Variants in WWOX observed in about 807,000 individuals in gnomAD.
WWOX encodes the protein WW domain-containing oxidoreductase.
In WWOX, 69 loss-of-function variants were observed where a neutral mutation model predicts 46.2. The observed-to-expected ratio is 1.49, with a 90% CI of 1.23 to 1.82. WWOX has a LOEUF of 1.82. WWOX is among the 40% of genes most tolerant of loss of function. WWOX has a pLI of 0.00. For synonymous variants in WWOX, 359 were observed against 202.6 expected, an observed-to-expected ratio of 1.77 and a Z score of -6.56; for missense variants, 919 against 542.6, an observed-to-expected ratio of 1.69 and a Z score of -6.89.
At chr16:78,900,789 C>G (rs1027032063) in intron 8 of WWOX, among the ~76,000 whole-genome samples, 1 of 151,314 alleles carries the variant, frequency 6.6e-6, no homozygotes, top group Admixed American at 6.6e-5. Context: ...GTAATAACCT[C>G]TCTTTTTTAT....
chr16:78,229,032 G>A (rs746146913), intron 5 of WWOX, among the ~76,000 whole-genome samples: 1 of 152,116 alleles, frequency 6.6e-6, no homozygotes, highest in Non-Finnish European at 1.5e-5. Flanking sequence ...GCTGGTTTGT[G>A]CTAAGATACT....
chr16:78,930,595 C>CTTTTTTTT (rs534091390), intron 8 of WWOX, among the ~76,000 whole-genome samples: 1 of 139,498 alleles, frequency 7.2e-6, no homozygotes, highest in East Asian at 2.1e-4. Flanking sequence ...CAGGCAAGGA[C>CTTTTTTTT]TTTTTTTTTT....
chr16:79,052,177 T>C (rs1254782337), intron 8 of WWOX, among the ~76,000 whole-genome samples: 2 of 152,174 alleles, frequency 1.3e-5, no homozygotes, highest in Admixed American at 6.5e-5. Context: ...CTCCCAATGC[T>C]ATCCCTCCCC....
At chr16:78,436,838 G>C (rs2083345637) in intron 8 of WWOX, among the ~76,000 whole-genome samples, 1 of 152,320 alleles carries the variant, frequency 6.6e-6, no homozygotes, top group East Asian at 1.9e-4. Flanking sequence ...GCTCGGCATT[G>C]CTTCCGTCAG....
chr16:78,811,439 T>A (rs2051185485), intron 8 of WWOX, among the ~76,000 whole-genome samples: 1 of 152,092 alleles, frequency 6.6e-6, no homozygotes, highest in Admixed American at 6.6e-5. Flanking sequence ...TTCCTCCCTT[T>A]CTTCCTTTCC....
chr16:78,620,701 T>TC (rs397812992), intron 8 of WWOX, among the ~76,000 whole-genome samples: 14 of 152,032 alleles, frequency 9.2e-5, no homozygotes. Flanking sequence ...GGTTTTTTTT[T>TC]CCTTTTTGCA....
At chr16:78,415,386 A>G (rs1201994037) in intron 6 of WWOX, among the ~76,000 whole-genome samples, 10 of 152,064 alleles carry the variant, frequency 6.6e-5, no homozygotes, top group Non-Finnish European at 1.3e-4. Flanking sequence ...TCTTTACTGC[A>G]ACCTATTTTA....
chr16:78,199,267 C>G (rs141894914), intron 5 of WWOX, among the ~76,000 whole-genome samples: 66 of 152,070 alleles, frequency 4.3e-4, no homozygotes, highest in Non-Finnish European at 8.2e-4. Context: ...GAGCCCAGAT[C>G]GCACCACTGC....
chr16:78,400,890 C>T (rs920194375), intron 6 of WWOX, among the ~76,000 whole-genome samples: 1 of 152,218 alleles, frequency 6.6e-6, no homozygotes, highest in African/African-American at 2.4e-5. Context: ...GTGGCACGAT[C>T]ACAGCTCACT....
At chr16:78,702,046 A>ATATATATATATAT (rs2048232458) in intron 8 of WWOX, among the ~76,000 whole-genome samples, 1 of 91,436 alleles carries the variant, frequency 1.1e-5, no homozygotes, top group Non-Finnish European at 2.2e-5. Context: ...TATATATATA[A>ATATATATATATAT]AATAATGCAG....
At chr16:79,019,180 A>AAAAAG (rs1555512795) in intron 8 of WWOX, among the ~76,000 whole-genome samples, 4 of 32,132 alleles carry the variant, frequency 1.2e-4, no homozygotes, top group African/African-American at 4.5e-4. Context: ...AAAAAAAAAA[A>AAAAAG]AAAAAGAAAA....
intron 4 of WWOX, among the ~76,000 whole-genome samples, chr16:78,144,482 TATATACACACAC>T (rs2034121121): frequency 3.5e-5 from 1 of 28,502 alleles, no homozygotes; most frequent in African/African-American, 1.5e-4. Flanking sequence ...TATATATATA[TATATACACACAC>T]ACACACATAT....
intron 8 of WWOX, among the ~76,000 whole-genome samples, chr16:78,960,568 G>A (rs908474370): frequency 5.9e-5 from 9 of 152,214 alleles, no homozygotes; most frequent in Non-Finnish European, 1.0e-4. Context: ...GGTATTTATT[G>A]AGTTATGACT....
intron 8 of WWOX, among the ~76,000 whole-genome samples, chr16:78,846,359 A>G (rs2052298686): frequency 6.6e-6 from 1 of 151,936 alleles, no homozygotes; most frequent in Non-Finnish European, 1.5e-5. Context: ...TTCTTTTACA[A>G]CCAGATACCA....
intron 8 of WWOX, among the ~76,000 whole-genome samples, chr16:78,951,699 A>G (rs555762153): frequency 6.6e-6 from 1 of 152,164 alleles, no homozygotes; most frequent in South Asian, 2.1e-4. Flanking sequence ...TCTACCCAGT[A>G]CCGGGGAACC....
chr16:78,653,322 A>T (rs7197349), intron 8 of WWOX, among the ~76,000 whole-genome samples: 1 of 152,126 alleles, frequency 6.6e-6, no homozygotes, highest in African/African-American at 2.4e-5. Context: ...AAAATAACTC[A>T]GGCTTATTTT....
At chr16:78,309,691 T>C (rs77218746) in intron 5 of WWOX, among the ~76,000 whole-genome samples, 3,392 of 152,296 alleles carry the variant, frequency 0.022, 111 homozygotes, top group African/African-American at 0.077. Context: ...TTAAATATTT[T>C]AGAGTTTCAC....
intron 8 of WWOX, among the ~76,000 whole-genome samples, chr16:78,740,803 C>T (rs1381753929): frequency 2.0e-5 from 3 of 152,160 alleles, no homozygotes; most frequent in Admixed American, 6.5e-5. Flanking sequence ...TACGTGTGTG[C>T]ATGAGCGTGT....
At chr16:79,043,265 C>T (rs1050692186) in intron 8 of WWOX, among the ~76,000 whole-genome samples, 2 of 151,896 alleles carry the variant, frequency 1.3e-5, no homozygotes, top group African/African-American at 4.8e-5. Context: ...CAATGAACTT[C>T]GTGAATTAAA....
Sources: allele counts gnomAD v4.1 joint callset (sites outside exome capture counted in the v4.1 genomes callset), GRCh38; gene constraint gnomAD v4.1.1; transcripts MANE v1.5; gene names NCBI Gene and HGNC (gene_info 2026-07-23, HGNC 2026-07-21).